The following BACH2 variants were observed in gnomAD, a reference collection of about 807,000 sequenced individuals.
BACH2 encodes BACH transcriptional regulator 2.
A neutral mutation model predicts 61.8 loss-of-function variants in BACH2; 5 were observed. The ratio of observed to expected loss-of-function variants is 0.08; its 90% confidence interval spans 0.04 to 0.17. The LOEUF is 0.17. Among genes scored for constraint, BACH2 ranks in the 10% least tolerant of loss-of-function variants. The probability of loss-of-function intolerance (pLI) is 1.00; values close to 1 mark genes in which losing one functional copy is unlikely to be tolerated. For synonymous variants in BACH2, 446 were observed against 440.1 expected, an observed-to-expected ratio of 1.01 and a Z score of -0.17; for missense variants, 824 against 1,091.1, an observed-to-expected ratio of 0.76 and a Z score of 3.45.
chr6:90,275,544 T>A (rs1358001732), intron 1 of BACH2, among the ~76,000 whole-genome samples: 4 of 152,190 alleles, frequency 2.6e-5, no homozygotes, highest in African/African-American at 9.7e-5. Context: ...TGCAGATTTG[T>A]GATATGGGTA....
chr6:90,235,171 G>A (rs372082980), intron 3 of BACH2, among the ~76,000 whole-genome samples: 5 of 152,188 alleles, frequency 3.3e-5, no homozygotes, highest in East Asian at 1.9e-4. Context: ...AGCATTAAAC[G>A]AAGTCACACA....
intron 4 of BACH2, among the ~76,000 whole-genome samples, chr6:90,153,821 G>A (rs987684744): frequency 2.0e-5 from 3 of 152,124 alleles, no homozygotes; most frequent in Admixed American, 1.3e-4. Context: ...CTAACCAGTG[G>A]GGTACATTTT....
In BACH2 at chr6:89,932,599, G is replaced by C; in HGVS notation, c.2335C>G (p.Pro779Ala). 6.2e-7 allele frequency: 1 copy of C among 1,614,046 alleles called. No individual in the cohort carries two copies. Among genetic ancestry groups the C allele is most frequent in the Non-Finnish European group, 8.5e-7 (1 of 1,179,988 alleles). Residue 779 changes from proline (P) to alanine (A), a missense_variant, in exon 9 of 9, where the codon CCC becomes GCC. Physicochemically the swap from Pro to Ala is conservative, Grantham distance 27. Around this residue, in one of 8 missense-constraint regions of BACH2, gnomAD observed 135 missense variants for 142.7 expected, o/e 0.95. Coordinates refer to ENST00000257749, the MANE Select transcript of BACH2 (RefSeq NM_021813.4). ...GAGGTGTTGCTGGGTGCCCAGGGGG[G>C]TCCGGGGGGAGCCGCGCCTGGCTCC... ...CLEPGAAPPG[P>A]PWAPSNTSEN...
chr6:90,071,715 T>C (rs572336301), intron 5 of BACH2, among the ~76,000 whole-genome samples: 1 of 152,306 alleles, frequency 6.6e-6, no homozygotes, highest in African/African-American at 2.4e-5. Flanking sequence ...AATCTACATA[T>C]CACTTCTGAC....
chr6:90,199,638 G>A (rs957577324), intron 4 of BACH2, among the ~76,000 whole-genome samples: 1 of 152,160 alleles, frequency 6.6e-6, no homozygotes, highest in Non-Finnish European at 1.5e-5. Flanking sequence ...CAAGGCAGGT[G>A]GAGACAGAGT....
At chr6:90,024,828 C>T (rs1434914928) in intron 5 of BACH2, among the ~76,000 whole-genome samples, 1 of 152,176 alleles carries the variant, frequency 6.6e-6, no homozygotes, top group Admixed American at 6.6e-5. Flanking sequence ...CAAAGGTCAA[C>T]TTTCACACAT....
At chr6:90,196,958 T>C (rs1313257923) in intron 4 of BACH2, among the ~76,000 whole-genome samples, 1 of 152,232 alleles carries the variant, frequency 6.6e-6, no homozygotes, top group Non-Finnish European at 1.5e-5. Context: ...TCTACTGGAC[T>C]AGAAATATGT....
chr6:90,065,269 A>G (rs910492977), intron 5 of BACH2, among the ~76,000 whole-genome samples: 1 of 22,162 alleles, frequency 4.5e-5, no homozygotes, highest in African/African-American at 1.4e-4. Flanking sequence ...TGCCGCCCCC[A>G]CTTTTTTTTT....
At chr6:90,086,322 C>T (rs1781931576) in intron 5 of BACH2, among the ~76,000 whole-genome samples, 1 of 152,108 alleles carries the variant, frequency 6.6e-6, no homozygotes, top group Non-Finnish European at 1.5e-5. Flanking sequence ...CTGCTCAATT[C>T]CCTACTTTCA....
At chr6:89,990,358 G>A (rs1776475581) in intron 6 of BACH2, among the ~76,000 whole-genome samples, 1 of 152,166 alleles carries the variant, frequency 6.6e-6, no homozygotes, top group Non-Finnish European at 1.5e-5. Flanking sequence ...CAAGTCTGCT[G>A]CGAAATTCTC....
chr6:90,105,277 G>A (rs1782852735), intron 4 of BACH2, among the ~76,000 whole-genome samples: 1 of 152,214 alleles, frequency 6.6e-6, no homozygotes, highest in South Asian at 2.1e-4. Context: ...CACTTGTTTT[G>A]GGAACACTGT....
At chr6:90,112,566 T>C (rs1783218617) in intron 4 of BACH2, among the ~76,000 whole-genome samples, 1 of 152,286 alleles carries the variant, frequency 6.6e-6, no homozygotes, top group South Asian at 2.1e-4. Flanking sequence ...GGAACTTCAT[T>C]ATCACCAGAC....
intron 5 of BACH2, among the ~76,000 whole-genome samples, chr6:90,054,195 G>T (rs1780200546): frequency 6.6e-6 from 1 of 152,240 alleles, no homozygotes; most frequent in South Asian, 2.1e-4. Flanking sequence ...AGTGCAAGGG[G>T]TCAGGGAATT....
intron 4 of BACH2, among the ~76,000 whole-genome samples, chr6:90,137,648 C>T (rs1361550802): frequency 2.0e-5 from 3 of 152,180 alleles, no homozygotes; most frequent in Non-Finnish European, 4.4e-5. Flanking sequence ...TGGTTAACTC[C>T]ATGAGCTCAT....
intron 5 of BACH2, among the ~76,000 whole-genome samples, chr6:90,052,060 T>C (rs1780071599): frequency 6.6e-6 from 1 of 152,186 alleles, no homozygotes; most frequent in Non-Finnish European, 1.5e-5. Flanking sequence ...AATGTGGTCA[T>C]TATACTGATT....
At chr6:89,958,912 A>G (rs1158150220) in intron 6 of BACH2, among the ~76,000 whole-genome samples, 1 of 152,140 alleles carries the variant, frequency 6.6e-6, no homozygotes, top group Non-Finnish European at 1.5e-5. Flanking sequence ...AACTGGCTAG[A>G]TGGTTTGCAG....
chr6:90,295,601 T>G (rs1362646794), intron 1 of BACH2, among the ~76,000 whole-genome samples: 2 of 151,772 alleles, frequency 1.3e-5, no homozygotes, highest in Admixed American at 1.3e-4. Flanking sequence ...AGTGTCCCCT[T>G]CATAAACCAG....
chr6:90,257,249 G>A (rs1169421027), intron 2 of BACH2, among the ~76,000 whole-genome samples: 2 of 152,166 alleles, frequency 1.3e-5, no homozygotes, highest in African/African-American at 4.8e-5. Context: ...CCCAGAAAAG[G>A]AATGGCTGGG....
chr6:90,056,903 A>G (rs892377751), intron 5 of BACH2, among the ~76,000 whole-genome samples: 18 of 152,218 alleles, frequency 1.2e-4, no homozygotes, highest in Non-Finnish European at 2.5e-4. Flanking sequence ...AGGCAGAAAT[A>G]AAGATGTTCT....
Sources: allele counts gnomAD v4.1 joint callset (sites outside exome capture counted in the v4.1 genomes callset), GRCh38; gene constraint gnomAD v4.1.1; regional missense constraint gnomAD v4.1.1; transcripts MANE v1.5; gene names NCBI Gene and HGNC (gene_info 2026-07-23, HGNC 2026-07-21).